TTC39B: variants seen among roughly 807,000 people sequenced by gnomAD.
TTC39B encodes the protein tetratricopeptide repeat domain 39B.
TTC39B carries 92 observed loss-of-function variants against 96.6 expected under a neutral mutation model. That is an observed-to-expected ratio of 0.95 (90% CI 0.80 to 1.13). TTC39B has a LOEUF of 1.13. Ranked by LOEUF, TTC39B falls within the 50% of genes most tolerant of loss-of-function variation. TTC39B has a pLI of 0.00. For missense variants in TTC39B, 955 were observed against 809.3 expected (o/e 1.18, Z -2.18); for synonymous variants, 367 against 299.4 (o/e 1.23, Z -2.33).
At chr9:15,240,934 A>G (rs1223004428) in intron 2 of TTC39B, among the ~76,000 whole-genome samples, 1 of 152,194 alleles carries the variant, frequency 6.6e-6, no homozygotes, top group African/African-American at 2.4e-5. Context: ...TACTTTATGC[A>G]TATTTACCAT....
chr9:15,304,788 A>G (rs145883850), intron 1 of TTC39B, among the ~76,000 whole-genome samples: 1 of 152,156 alleles, frequency 6.6e-6, no homozygotes, highest in African/African-American at 2.4e-5. Context: ...GACTTGCTCA[A>G]TCAAGGTCAA....
rs576572202 is a variant in TTC39B at position 15,188,099 on chromosome 9, G to A, written c.1267C>T (p.Gln423Ter). ...TGGTGAAACTGTTTCCATTCTTCTTGAACTGAAATGCATTTTTGAAATACT... is the reference window on the plus strand; with the variant it reads ...TGGTGAAACTGTTTCCATTCTTCTTAAACTGAAATGCATTTTTGAAATACT... The change falls in exon 14 of 20, where the codon CAA becomes TAA. Residue 423 changes from glutamine to a stop codon, truncating the protein, a stop_gained. Transcript: ENST00000512701. LOFTEE classifies it high-confidence loss of function. 6.2e-7 allele frequency: 1 copy of A among 1,607,572 alleles called. No homozygotes were observed. Among genetic ancestry groups the A allele is most frequent in the Non-Finnish European group, 8.5e-7 (1 of 1,177,420 alleles).
chr9:15,229,973 T>C (rs1000197475), intron 2 of TTC39B, among the ~76,000 whole-genome samples: 12 of 152,228 alleles, frequency 7.9e-5, no homozygotes, highest in African/African-American at 2.4e-4. Flanking sequence ...CTACAGAGAA[T>C]TGTTGTCTTT....
At chr9:15,205,201 C>G (rs993988262) in intron 6 of TTC39B, among the ~76,000 whole-genome samples, 4 of 152,204 alleles carry the variant, frequency 2.6e-5, no homozygotes, top group African/African-American at 9.6e-5. Context: ...AGCACTGGAT[C>G]AGTGCTAACT....
chr9:15,302,824 A>G (rs1824643801), intron 1 of TTC39B, among the ~76,000 whole-genome samples: 1 of 151,562 alleles, frequency 6.6e-6, no homozygotes, highest in Non-Finnish European at 1.5e-5. Context: ...AGCCTGGATG[A>G]CAAGAGCAAA....
chr9:15,210,402 C>T (rs1820128094), intron 5 of TTC39B, among the ~76,000 whole-genome samples: 1 of 152,258 alleles, frequency 6.6e-6, no homozygotes. Flanking sequence ...GAAACCCACA[C>T]ACACCAATGA....
chr9:15,180,888 C>G (rs76307597), intron 17 of TTC39B, among the ~76,000 whole-genome samples: 1,923 of 152,214 alleles, frequency 0.013, 44 homozygotes, highest in African/African-American at 0.044. Flanking sequence ...TTATTTCACC[C>G]AGAGAGAGGA....
intron 3 of TTC39B, among the ~76,000 whole-genome samples, chr9:15,215,981 A>G (rs1820493827): frequency 6.6e-6 from 1 of 152,244 alleles, no homozygotes; most frequent in South Asian, 2.1e-4. Flanking sequence ...ACATGAAAGC[A>G]AAGTGCCCCT....
Position 15,303,633 on chromosome 9 carries a change from A to T in TTC39B, c.240+3451T>A, listed in dbSNP as rs868670950. 5.2e-3 allele frequency among the ~76,000 whole-genome samples: 762 copies of T among 145,584 alleles called. 4 individuals are homozygous for T. The highest frequency in any genetic ancestry group is 0.011 in the African/African-American group (430 of 39,914). On this transcript the variant is annotated intron_variant, in intron 1 of 19. Transcript: ENST00000512701. ...TGAACTTTTGTTTCATATGAGAAAA[A>T]TTTTTTTTTTTTTTCTGAGATGGAG...
At chr9:15,203,930 C>T (rs1819693429) in intron 6 of TTC39B, 40 bp from the exon 7 acceptor site, 3 of 1,546,018 alleles carry the variant, frequency 1.9e-6, no homozygotes, top group South Asian at 1.2e-5. Context: ...TAAAATCACA[C>T]ATCCAAAGTG....
At chr9:15,293,067 G>A (rs1449513957) in intron 1 of TTC39B, among the ~76,000 whole-genome samples, 3 of 152,190 alleles carry the variant, frequency 2.0e-5, no homozygotes, top group African/African-American at 4.8e-5. Context: ...TTCATGGTAA[G>A]TGCCCTATAC....
At chr9:15,239,391 T>C (rs544948679) in intron 2 of TTC39B, among the ~76,000 whole-genome samples, 91 of 152,172 alleles carry the variant, frequency 6.0e-4, no homozygotes, top group Non-Finnish European at 1.1e-3. Context: ...GTGCTACCAT[T>C]TGAGACAGCA....
intron 2 of TTC39B, among the ~76,000 whole-genome samples, chr9:15,237,081 C>T (rs1223628553): frequency 6.6e-6 from 1 of 151,842 alleles, no homozygotes; most frequent in East Asian, 1.9e-4. Flanking sequence ...TTGGGAGGCC[C>T]AGGCGGATGG....
intron 2 of TTC39B, among the ~76,000 whole-genome samples, chr9:15,266,255 T>TA (rs561016680): frequency 1.3e-5 from 2 of 151,748 alleles, no homozygotes; most frequent in African/African-American, 4.8e-5. Flanking sequence ...GTTTTTTTTT[T>TA]AAAAAATCAT....
chr9:15,236,631 C>A (rs1821794166), intron 2 of TTC39B, among the ~76,000 whole-genome samples: 1 of 152,116 alleles, frequency 6.6e-6, no homozygotes, highest in Non-Finnish European at 1.5e-5. Flanking sequence ...TTTTCTCATA[C>A]CAGAGTGGGA....
rs1818290738 is a variant in TTC39B at position 15,182,322 on chromosome 9, C to A, written c.1708G>T (p.Ala570Ser). 3 of 1,609,916 alleles carry A rather than the reference C, an allele frequency of 1.9e-6. No homozygotes were observed. The Admixed American group carries it at 5.1e-5, about 27-fold the overall frequency. Residue 570 changes from alanine (A) to serine (S), a missense_variant, in exon 17 of 20, where the codon GCT becomes TCT. Coordinates refer to ENST00000512701, the Ensembl canonical transcript of TTC39B. ...GTATACTTACTTTGACTTTGTAAAG[C>A]TGCCTCAGCTTTTTCAACAGTTACT...
At chr9:15,224,370 G>A (rs1447512756) in intron 3 of TTC39B, 1 of 152,452 alleles carries the variant, frequency 6.6e-6, no homozygotes, top group African/African-American at 2.4e-5. Context: ...CTGTCCTGTG[G>A]CCACCAACTT....
At position 15,211,413 on chromosome 9, in the gene TTC39B, G is replaced by A. The variant is rs1157588869; in HGVS notation, c.483-16C>T. The A allele has an allele frequency of 1.4e-6, 2 of 1,462,150 alleles. No homozygotes were observed. The highest frequency in any genetic ancestry group is 1.8e-6 in the Non-Finnish European group (2 of 1,103,846). 90.6% of individuals were successfully genotyped at this position (1,462,150 alleles called of 1,614,324 possible). ...CTCCTTAGCCCTGGGAAGAACACAG[G>A]GAATTCAGACATTTTAATTCAATGG... On this transcript the variant is annotated splice_polypyrimidine_tract_variant and intron_variant, in intron 4 of 19. Transcript: ENST00000512701.
rs116946387 is a variant in TTC39B at position 15,227,763 on chromosome 9, A to G, written c.276-1751T>C. ...ACTCATTTTCGAGGGCTAGAAACAC[A>G]CAGTCTCTGAAATGTACTGTTAAAA... On this transcript the variant is annotated intron_variant, in intron 2 of 19. Coordinates refer to ENST00000512701, the Ensembl canonical transcript of TTC39B. 7.0e-3 allele frequency among the ~76,000 whole-genome samples: 1,066 copies of G among 152,268 alleles called. 7 individuals carry two copies. The highest frequency in any genetic ancestry group is 0.025 in the South Asian group (121 of 4,822).
Sources: allele counts gnomAD v4.1 joint callset (sites outside exome capture counted in the v4.1 genomes callset), GRCh38; gene constraint gnomAD v4.1.1; transcripts MANE v1.5; gene names NCBI Gene and HGNC (gene_info 2026-07-23, HGNC 2026-07-21).